ERC2: variants seen among roughly 807,000 people sequenced by gnomAD.
ERC2 encodes the protein ELKS/RAB6-interacting/CAST family member 2, also known as ERC protein 2.
ERC2 carries 42 observed loss-of-function variants against 114.8 expected under a neutral mutation model. The observed-to-expected ratio is 0.37, with a 90% CI of 0.29 to 0.47. ERC2 has a LOEUF of 0.47. Ranked by LOEUF, ERC2 falls within the 20% of genes least tolerant of loss-of-function variation. The pLI is 0.99. For missense variants in ERC2, 939 were observed against 1,150.7 expected (o/e 0.82, Z 2.66); for synonymous variants, 454 against 425.5 (o/e 1.07, Z -0.82).
intron 14 of ERC2, among the ~76,000 whole-genome samples, chr3:55,758,570 C>T (rs1443130610): frequency 6.6e-6 from 1 of 152,230 alleles, no homozygotes; most frequent in Non-Finnish European, 1.5e-5. Context: ...AGATGCCTGT[C>T]CCCATTTGAC....
chr3:55,743,883 TG>T (rs2066140916), intron 14 of ERC2, among the ~76,000 whole-genome samples: 1 of 152,114 alleles, frequency 6.6e-6, no homozygotes, highest in Non-Finnish European at 1.5e-5. Context: ...AACTCTCTCT[TG>T]GATTGAGGTA....
intron 17 of ERC2, among the ~76,000 whole-genome samples, chr3:55,632,409 A>G (rs1053846097): frequency 2.0e-5 from 3 of 152,094 alleles, no homozygotes; most frequent in African/African-American, 7.2e-5. Context: ...TTTTTTTTCC[A>G]GGAATCTGGT....
intron 17 of ERC2, among the ~76,000 whole-genome samples, chr3:55,550,981 A>T (rs1241380557): frequency 6.7e-6 from 1 of 149,482 alleles, no homozygotes; most frequent in Admixed American, 6.7e-5. Flanking sequence ...GCGCCACTGC[A>T]CTCCAGCCTG....
intron 17 of ERC2, among the ~76,000 whole-genome samples, chr3:55,607,263 A>C (rs944212730): frequency 6.6e-6 from 1 of 152,158 alleles, no homozygotes; most frequent in African/African-American, 2.4e-5. Context: ...CATGGAGCAC[A>C]AAGCAAAGGC....
intron 6 of ERC2, among the ~76,000 whole-genome samples, chr3:56,092,593 C>T (rs949693676): frequency 3.9e-5 from 6 of 152,106 alleles, no homozygotes; most frequent in African/African-American, 1.4e-4. Context: ...GATTTTTATG[C>T]TCACTATAAA....
intron 16 of ERC2, among the ~76,000 whole-genome samples, chr3:55,697,405 G>A (rs988387753): frequency 2.6e-5 from 4 of 152,018 alleles, no homozygotes; most frequent in Non-Finnish European, 5.9e-5. Context: ...TCTCAACAAC[G>A]TGGCTTAGCC....
intron 2 of ERC2, among the ~76,000 whole-genome samples, chr3:56,323,977 GA>G (rs2057244379): frequency 6.6e-6 from 1 of 152,144 alleles, no homozygotes; most frequent in African/African-American, 2.4e-5. Flanking sequence ...TATTTCCATG[GA>G]AGATTGAGGA....
At chr3:56,129,275 T>C (rs2080065035) in intron 6 of ERC2, among the ~76,000 whole-genome samples, 3 of 152,192 alleles carry the variant, frequency 2.0e-5, no homozygotes, top group Admixed American at 2.0e-4. Context: ...GCTGTGTAAA[T>C]ATACGTAAAG....
chr3:56,439,734 C>A (rs762327167), intron 1 of ERC2, among the ~76,000 whole-genome samples: 1 of 151,670 alleles, frequency 6.6e-6, no homozygotes, highest in Non-Finnish European at 1.5e-5. Context: ...AATAAAATTT[C>A]TACTTCCTTT....
chr3:56,231,952 T>A (rs1453044732), intron 3 of ERC2, among the ~76,000 whole-genome samples: 3 of 152,030 alleles, frequency 2.0e-5, no homozygotes, highest in Admixed American at 6.6e-5. Flanking sequence ...CTTTATAGAA[T>A]GTAAGACCTA....
chr3:56,261,797 T>C (rs2052947526), intron 3 of ERC2, among the ~76,000 whole-genome samples: 1 of 152,186 alleles, frequency 6.6e-6, no homozygotes. Context: ...TTGTACAGAT[T>C]ATTTCATTAC....
intron 6 of ERC2, among the ~76,000 whole-genome samples, chr3:56,132,478 A>T (rs2080260044): frequency 6.6e-6 from 1 of 151,852 alleles, no homozygotes; most frequent in Admixed American, 6.6e-5. Context: ...ACCTTACACA[A>T]CCTCCCTGAA....
intron 14 of ERC2, among the ~76,000 whole-genome samples, chr3:55,840,987 T>G (rs2061107435): frequency 6.6e-6 from 1 of 152,122 alleles, no homozygotes; most frequent in African/African-American, 2.4e-5. Flanking sequence ...AGGAATGGAT[T>G]ACAAAGAGGC....
chr3:55,833,289 C>T (rs1405750221), intron 14 of ERC2, among the ~76,000 whole-genome samples: 2 of 150,434 alleles, frequency 1.3e-5, no homozygotes, highest in East Asian at 3.9e-4. Context: ...AGAAGAGCAA[C>T]TCCAAGACAC....
intron 8 of ERC2, 52 bp from the exon 9 acceptor site, chr3:56,010,641 C>A: frequency 2.6e-6 from 4 of 1,553,410 alleles, no homozygotes; most frequent in Admixed American, 1.9e-5. Context: ...AGTGTATATG[C>A]CAAAGCATAC....
At chr3:56,217,938 G>A (rs6794606) in intron 3 of ERC2, among the ~76,000 whole-genome samples, 10 of 148,822 alleles carry the variant, frequency 6.7e-5, no homozygotes, top group Admixed American at 1.3e-4. Context: ...CTAGCCATAT[G>A]TAGAAAGCTG....
intron 3 of ERC2, among the ~76,000 whole-genome samples, chr3:56,203,258 G>A (rs13324556): frequency 0.044 from 6,639 of 152,274 alleles, 201 homozygotes; most frequent in African/African-American, 0.082. Context: ...AAGTGCCTGA[G>A]AGATGGACAG....
chr3:56,371,037 A>G (rs112381972), intron 2 of ERC2, among the ~76,000 whole-genome samples: 20 of 152,344 alleles, frequency 1.3e-4, no homozygotes, highest in African/African-American at 4.8e-4. Flanking sequence ...GACTGCCATG[A>G]TTGAAATATA....
chr3:56,372,904 G>A (rs144622888), intron 2 of ERC2, among the ~76,000 whole-genome samples: 3 of 152,238 alleles, frequency 2.0e-5, no homozygotes, highest in East Asian at 1.9e-4. Flanking sequence ...GCAGGATGGC[G>A]TAATATGAAT....
Sources: gnomAD v4.1 joint callset for allele counts (sites outside exome capture counted in the v4.1 genomes callset) on GRCh38, gnomAD v4.1.1 for gene constraint, MANE v1.5 for transcripts, NCBI Gene and HGNC (gene_info 2026-07-23, HGNC 2026-07-21) for gene names.